Variants in STK32B observed in about 807,000 individuals in gnomAD.
The protein encoded by STK32B is serine/threonine kinase 32B, also known as serine/threonine-protein kinase 32B.
In STK32B, 43 loss-of-function variants were observed where a neutral mutation model predicts 52.6. The ratio of observed to expected loss-of-function variants is 0.82; its 90% CI spans 0.64 to 1.05. The LOEUF (loss-of-function observed/expected upper bound fraction) is 1.05, where lower values mean the gene tolerates loss of function less well. Among genes scored for constraint, STK32B ranks in the 50% least tolerant of loss-of-function variants. STK32B has a pLI of 0.00. For missense variants in STK32B, 621 were observed against 534.6 expected, an observed-to-expected ratio of 1.16 and a Z score of -1.59; for synonymous variants, 238 against 204.3, an observed-to-expected ratio of 1.17 and a Z score of -1.41.
intron 3 of STK32B, among the ~76,000 whole-genome samples, chr4:5,183,130 A>C (rs191697215): frequency 6.6e-6 from 1 of 152,174 alleles, no homozygotes; most frequent in South Asian, 2.1e-4. Flanking sequence ...TTCAACTTAA[A>C]GTCACCGACT....
At chr4:5,194,687 A>G (rs1323168404) in intron 3 of STK32B, among the ~76,000 whole-genome samples, 2 of 152,224 alleles carry the variant, frequency 1.3e-5, no homozygotes, top group African/African-American at 4.8e-5. Context: ...TGGGTAATTT[A>G]TAAAGAAAAG....
chr4:5,049,249 T>C (rs1234824677), upstream of STK32B, among the ~76,000 whole-genome samples: 20 of 151,318 alleles, frequency 1.3e-4, no homozygotes, highest in African/African-American at 2.2e-4. Flanking sequence ...CAGGTTGGAG[T>C]GCAGTGGCAC....
chr4:5,204,184 A>G (rs1722377885), intron 3 of STK32B: 1 of 152,170 alleles, frequency 6.6e-6, no homozygotes, highest in Non-Finnish European at 1.5e-5. Context: ...AAAGAGCAGA[A>G]TCGTGGGTAG....
intron 3 of STK32B, among the ~76,000 whole-genome samples, chr4:5,264,660 G>A (rs113404704): frequency 5.9e-5 from 9 of 151,918 alleles, no homozygotes; most frequent in South Asian, 2.1e-4. Flanking sequence ...GGTGGCGGGC[G>A]CCTGTAGTCC....
intron 3 of STK32B, among the ~76,000 whole-genome samples, chr4:5,184,552 G>A (rs1050122396): frequency 6.6e-6 from 1 of 151,930 alleles, no homozygotes; most frequent in Non-Finnish European, 1.5e-5. Context: ...GCTGGGCGTG[G>A]TGGTGCATGC....
chr4:5,352,841 A>C (rs1039078239), intron 4 of STK32B, among the ~76,000 whole-genome samples: 1 of 152,248 alleles, frequency 6.6e-6, no homozygotes, highest in East Asian at 1.9e-4. Flanking sequence ...TACCCAAAGC[A>C]ATCTACAGAT....
chr4:5,069,419 A>T (rs1327621673), intron 1 of STK32B, among the ~76,000 whole-genome samples: 1 of 152,102 alleles, frequency 6.6e-6, no homozygotes, highest in Non-Finnish European at 1.5e-5. Flanking sequence ...GAGATAGGCT[A>T]TGGGCCTTGT....
At chr4:5,476,092 G>T (rs1211014679) in intron 11 of STK32B, among the ~76,000 whole-genome samples, 1 of 151,930 alleles carries the variant, frequency 6.6e-6, no homozygotes, top group African/African-American at 2.4e-5. Context: ...TAGAGATGGG[G>T]TTTCGCCACG....
intron 1 of STK32B, among the ~76,000 whole-genome samples, chr4:5,082,669 G>T (rs899019496): frequency 6.6e-6 from 1 of 151,856 alleles, no homozygotes; most frequent in African/African-American, 2.4e-5. Flanking sequence ...GTTCTTTGTG[G>T]TTTTTTGTTT....
chr4:5,053,814 A>ATTTT (rs1381892104), intron 1 of STK32B, among the ~76,000 whole-genome samples: 1 of 109,806 alleles, frequency 9.1e-6, no homozygotes, highest in Non-Finnish European at 1.9e-5. Flanking sequence ...CCCCGACTCT[A>ATTTT]CTAAAAATAC....
chr4:5,050,625 G>T (rs1259608911), upstream of STK32B, among the ~76,000 whole-genome samples: 2 of 152,154 alleles, frequency 1.3e-5, no homozygotes, highest in African/African-American at 4.8e-5. Flanking sequence ...CAGATGGCAG[G>T]ATGTAGCCAA....
chr4:5,069,248 A>G (rs956861820), intron 1 of STK32B, among the ~76,000 whole-genome samples: 2 of 144,002 alleles, frequency 1.4e-5, no homozygotes, highest in African/African-American at 2.6e-5. Context: ...GCTGGGGTAC[A>G]GTGGCACAAT....
rs778688990 is a variant in STK32B, at chr4:5,051,891, C to T, written c.28C>T (p.Pro10Ser). The change falls in exon 1 of 12, where the codon CCC becomes TCC. Residue 10 changes from proline (P) to serine (S), a missense_variant. Pro to Ser is a moderately conservative substitution (Grantham distance 74, BLOSUM62 -1). Transcript: ENST00000282908. ...GGGCGGGAACCACTCCCACAAGCCC[C>T]CCGTGTTTGACGAGAATGAGGAAGG... is the stretch of plus-strand genomic sequence containing the variant. Reference protein sequence around the residue: MGGNHSHKPPVFDENEEVNF... With the variant: MGGNHSHKPSVFDENEEVNF... The T allele has an allele frequency of 1.7e-4, 266 of 1,600,350 alleles. No individual in the cohort carries two copies. The highest frequency in any genetic ancestry group is 2.2e-4 in the Non-Finnish European group (256 of 1,173,970).
intron 11 of STK32B, among the ~76,000 whole-genome samples, chr4:5,496,409 G>A (rs962552281): frequency 2.6e-5 from 4 of 152,324 alleles, no homozygotes; most frequent in Non-Finnish European, 4.4e-5. Context: ...CTGGTGCACC[G>A]TTTTTTAAGC....
chr4:5,327,633 T>C (rs1207439806), intron 3 of STK32B, among the ~76,000 whole-genome samples: 1 of 152,110 alleles, frequency 6.6e-6, no homozygotes, highest in Non-Finnish European at 1.5e-5. Flanking sequence ...ACTGGTGTGC[T>C]GTCATCTGGG....
At position 5,460,083 on chromosome 4, in the gene STK32B, C is replaced by T. The variant is rs775343484; in HGVS notation, c.784-20C>T. The T allele has an allele frequency of 6.2e-7, 1 of 1,614,222 alleles. No individual in the cohort carries two copies. The highest frequency in any genetic ancestry group is 1.7e-5 in the Admixed American group (1 of 60,024). On this transcript the variant is annotated intron_variant, in intron 8 of 11. Coordinates refer to ENST00000282908, the MANE Select transcript of STK32B (RefSeq NM_018401.3). The surrounding 1 kb of genome is among the most constrained non-coding windows in gnomAD (Gnocchi z 4.8). ...GAGGGATGCCCAATTCATGGAAACT[C>T]ATTTGCCCTCTAACTGCAGCTCCTG...
chr4:5,022,078 G>A, the STK32B span, among the ~76,000 whole-genome samples: 7 of 152,228 alleles, frequency 4.6e-5, no homozygotes, highest in South Asian at 2.1e-4. Context: ...CTTGCCTGCC[G>A]AGCCCAATGC....
At chr4:5,367,482 T>G (rs1734949796) in intron 4 of STK32B, among the ~76,000 whole-genome samples, 1 of 151,298 alleles carries the variant, frequency 6.6e-6, no homozygotes, top group African/African-American at 2.4e-5. Flanking sequence ...TAGTGGAGGC[T>G]GGGGGGTCGC....
intron 11 of STK32B, among the ~76,000 whole-genome samples, chr4:5,485,309 ACTT>A (rs1412541088): frequency 6.6e-6 from 1 of 151,042 alleles, no homozygotes; most frequent in Non-Finnish European, 1.5e-5. Flanking sequence ...TTTTCTCTGA[ACTT>A]CTCTTCTCGA....
Sources: allele counts gnomAD v4.1 joint callset (sites outside exome capture counted in the v4.1 genomes callset), GRCh38; gene constraint gnomAD v4.1.1; non-coding constraint Gnocchi (gnomAD v3.1); transcripts MANE v1.5; gene names NCBI Gene and HGNC (gene_info 2026-07-23, HGNC 2026-07-21).